The following ATF7 variants were observed in gnomAD, a reference collection of about 807,000 sequenced individuals.
ATF7 encodes the protein cyclic AMP-dependent transcription factor ATF-7.
Under a neutral mutation model 50.4 loss-of-function variants are expected in ATF7, and 10 were observed. That is an observed-to-expected ratio of 0.20 (90% CI 0.12 to 0.34). The LOEUF (loss-of-function observed/expected upper bound fraction) is 0.34, where lower values mean the gene tolerates loss of function less well. Among genes scored for constraint, ATF7 ranks in the 10% least tolerant of loss-of-function variants. The pLI is 1.00. For synonymous variants in ATF7, 201 were observed against 226.4 expected (o/e 0.89, Z 1.01); for missense variants, 465 against 613.9 (o/e 0.76, Z 2.56).
chr12:53,619,555 G>A (rs376907286), intron 1 of ATF7, among the ~76,000 whole-genome samples: 3 of 151,350 alleles, frequency 2.0e-5, no homozygotes, highest in African/African-American at 7.3e-5. Flanking sequence ...GGCCCAGCCT[G>A]TAATTCCAGC....
At chr12:53,542,214 A>G (rs372074413) in intron 4 of ATF7, among the ~76,000 whole-genome samples, 1 of 149,520 alleles carries the variant, frequency 6.7e-6, no homozygotes, top group Non-Finnish European at 1.5e-5. Flanking sequence ...TCACGAGGTC[A>G]GGAGATCGAG....
intron 1 of ATF7, among the ~76,000 whole-genome samples, chr12:53,623,909 TA>T (rs771820211): frequency 4.6e-5 from 7 of 152,222 alleles, no homozygotes; most frequent in Non-Finnish European, 1.0e-4. Flanking sequence ...ATTAACATTT[TA>T]AAACCGTGGT....
At chr12:53,527,824 C>T (rs559552383) in intron 9 of ATF7, among the ~76,000 whole-genome samples, 1 of 151,730 alleles carries the variant, frequency 6.6e-6, no homozygotes, top group East Asian at 1.9e-4. Flanking sequence ...ATTATATTCT[C>T]CATTAATATA....
chr12:53,545,794 C>A (rs889040640), intron 3 of ATF7, among the ~76,000 whole-genome samples: 2 of 152,112 alleles, frequency 1.3e-5, no homozygotes, highest in African/African-American at 4.8e-5. Flanking sequence ...GTGGCTAAGG[C>A]CTGTAATCCT....
At chr12:53,623,310 G>A (rs949924072) in intron 1 of ATF7, among the ~76,000 whole-genome samples, 3 of 152,140 alleles carry the variant, frequency 2.0e-5, no homozygotes, top group African/African-American at 7.2e-5. Context: ...AACCTTAGGG[G>A]AAGGCAACAT....
chr12:53,539,431 T>C (rs557630386), intron 4 of ATF7, among the ~76,000 whole-genome samples: 21 of 151,894 alleles, frequency 1.4e-4, no homozygotes, highest in South Asian at 2.1e-4. Context: ...TGGTGGCTCA[T>C]GCCTGTAATC....
chr12:53,524,210 T>A lies in ATF7; in HGVS notation c.1125+354A>T, dbSNP rs377373254. 6.6e-6 allele frequency among the ~76,000 whole-genome samples: 1 copy of A among 152,262 alleles called. No homozygotes were observed. The highest frequency in any genetic ancestry group is 2.1e-4 in the South Asian group (1 of 4,836). On this transcript the variant is annotated intron_variant, in intron 10 of 11. Transcript: ENST00000420353. The surrounding 1 kb of genome is among the most constrained non-coding windows in gnomAD (Gnocchi z 4.6). The stretch of plus-strand genomic sequence containing the variant: ...TGCTTGTAGCACTTTTTTCTTTCTC[T>A]CTTTTATTAAGCTGCATTATCTAGG...
chr12:53,602,059 T>C (rs74089648), intron 1 of ATF7, among the ~76,000 whole-genome samples: 13 of 152,114 alleles, frequency 8.5e-5, no homozygotes, highest in African/African-American at 3.1e-4. Flanking sequence ...GAAATGCAAA[T>C]CATAGTAAAA....
At chr12:53,597,697 TACTCGGGAGGCTGAG>T (rs1943225841) in intron 2 of ATF7, among the ~76,000 whole-genome samples, 1 of 151,136 alleles carries the variant, frequency 6.6e-6, no homozygotes, top group Non-Finnish European at 1.5e-5. Flanking sequence ...TAGTCCCAGC[TACTCGGGAGGCTGAG>T]ACAGGAGAAT....
At chr12:53,525,720 GTTCC>G (rs1565920416) in intron 9 of ATF7, among the ~76,000 whole-genome samples, 1 of 152,160 alleles carries the variant, frequency 6.6e-6, no homozygotes, top group Non-Finnish European at 1.5e-5. Flanking sequence ...TCAAGCTGAA[GTTCC>G]TTGTCACTAA....
downstream of ATF7, among the ~76,000 whole-genome samples, chr12:53,511,542 G>A (rs1415127426): frequency 6.6e-6 from 1 of 152,194 alleles, no homozygotes; most frequent in African/African-American, 2.4e-5. Context: ...GAGCCACCAT[G>A]CCCGGTTTTC....
chr12:53,517,388 T>C (rs760697488), intron 11 of ATF7, 34 bp from the exon 12 acceptor site: 39 of 1,584,142 alleles, frequency 2.5e-5, no homozygotes, highest in Non-Finnish European at 3.2e-5. Flanking sequence ...CAGAGAGCAA[T>C]TGGTTAGAAA....
At chr12:53,622,257 G>T (rs1010298256) in intron 1 of ATF7, among the ~76,000 whole-genome samples, 7 of 151,562 alleles carry the variant, frequency 4.6e-5, no homozygotes, top group African/African-American at 1.7e-4. Context: ...AGCTGAGATC[G>T]CACCACTGCA....
intron 3 of ATF7, among the ~76,000 whole-genome samples, chr12:53,550,359 T>A (rs1940277877): frequency 2.1e-5 from 3 of 145,316 alleles, no homozygotes; most frequent in Admixed American, 1.4e-4. Flanking sequence ...AATAAATAAA[T>A]AAATAAATAA....
chr12:53,528,748 G>A (rs1220755306), intron 9 of ATF7, among the ~76,000 whole-genome samples: 1 of 151,898 alleles, frequency 6.6e-6, no homozygotes, highest in Non-Finnish European at 1.5e-5. Context: ...GGGTGACAGA[G>A]CGAGACTCCA....
intron 9 of ATF7, among the ~76,000 whole-genome samples, chr12:53,526,161 T>C (rs553089331): frequency 9.3e-5 from 14 of 151,198 alleles, no homozygotes; most frequent in South Asian, 8.4e-4. Flanking sequence ...TGAGCTGAGA[T>C]TGAGCCACTG....
chr12:53,600,914 A>G (rs1182578847), intron 2 of ATF7, 39 bp downstream of exon 2: 1 of 1,602,612 alleles, frequency 6.2e-7, no homozygotes, highest in Non-Finnish European at 8.5e-7. Context: ...ACTTTGATTC[A>G]CAACGAGACA....
intron 1 of ATF7, among the ~76,000 whole-genome samples, chr12:53,620,062 A>C (rs1944312156): frequency 6.6e-6 from 1 of 152,116 alleles, no homozygotes. Context: ...GGATGGCTTG[A>C]GCCTGGGAGA....
intron 2 of ATF7, among the ~76,000 whole-genome samples, chr12:53,576,643 C>T (rs1485305425): frequency 6.6e-6 from 1 of 152,118 alleles, no homozygotes; most frequent in African/African-American, 2.4e-5. Context: ...CTGCTGGCAC[C>T]TTGATCTTGA....
Sources: gnomAD v4.1 joint callset for allele counts (sites outside exome capture counted in the v4.1 genomes callset) on GRCh38, gnomAD v4.1.1 for gene constraint, Gnocchi (gnomAD v3.1) non-coding constraint, MANE v1.5 for transcripts, NCBI Gene and HGNC (gene_info 2026-07-23, HGNC 2026-07-21) for gene names.